The following TPM4 variants were observed in gnomAD, a reference collection of about 807,000 sequenced individuals.
TPM4 encodes tropomyosin 4, also known as tropomyosin alpha-4 chain.
Under a neutral mutation model 35.8 loss-of-function variants are expected in TPM4, and 17 were observed. The observed-to-expected ratio is 0.47, with a 90% CI of 0.32 to 0.71. The LOEUF is 0.71. Ranked by LOEUF, TPM4 falls within the 30% of genes least tolerant of loss-of-function variation. TPM4 has a pLI of 0.03. For missense variants in TPM4, 240 were observed against 320.9 expected (o/e 0.75, Z 1.93); for synonymous variants, 120 against 122.9 (o/e 0.98, Z 0.15).
At chr19:16,093,004 A>C (rs2090646870) in intron 5 of TPM4, 1 of 162,046 alleles carries the variant, frequency 6.2e-6, no homozygotes, top group Admixed American at 5.7e-5. Flanking sequence ...ACAGGTGCTC[A>C]CCACCATGAC....
At chr19:16,078,912 G>T (rs571479091) in intron 1 of TPM4, among the ~76,000 whole-genome samples, 1 of 150,480 alleles carries the variant, frequency 6.6e-6, no homozygotes, top group African/African-American at 2.4e-5. Context: ...CCTGTTTCCC[G>T]ACAGCTGGTT....
chr19:16,078,197 G>C, intron 1 of TPM4: 1 of 398,674 alleles, frequency 2.5e-6, no homozygotes, highest in Non-Finnish European at 4.4e-6. Flanking sequence ...CATGACAGGG[G>C]AGGCTCCAAA....
chr19:16,073,242 C>A (rs745811), upstream of TPM4, among the ~76,000 whole-genome samples: 46,198 of 152,044 alleles, frequency 0.3, 7,799 homozygotes, highest in Middle Eastern at 0.41. Context: ...TGAGTCCATG[C>A]TGTCAGATTT....
chr19:16,085,931 C>T (rs1212909728), intron 2 of TPM4, among the ~76,000 whole-genome samples: 4 of 151,778 alleles, frequency 2.6e-5, no homozygotes, highest in East Asian at 3.9e-4. Flanking sequence ...TAGCCGGTCA[C>T]GGTGGTGCAT....
In TPM4 at chr19:16,070,010, G is replaced by A. The variant is rs752933594; in HGVS notation, c.114+2272G>A. On this transcript the variant is annotated intron_variant, in intron 2 of 2. Transcript: ENST00000589897. This position sits in a 1 kb window ranked among gnomAD's most constrained non-coding sequence, Gnocchi z 7.4. ...GGCATGTGTGTGTGTGTGTGTGGTGGGGGCCCAGGGCTGTGACCTGCTGCA... is the reference window on the plus strand; with the variant it reads ...GGCATGTGTGTGTGTGTGTGTGGTGAGGGCCCAGGGCTGTGACCTGCTGCA... Among the ~76,000 whole-genome samples, 67 of 152,152 alleles carry A rather than the reference G, an allele frequency of 4.4e-4. No individual in the cohort carries two copies. Among genetic ancestry groups the A allele is most frequent in the South Asian group, 8.3e-4 (4 of 4,824 alleles).
intron 2 of TPM4, 133 bp from the exon 3 acceptor site, chr19:16,086,290 C>T: frequency 1.4e-6 from 1 of 723,692 alleles, no homozygotes; most frequent in Non-Finnish European, 2.4e-6. Flanking sequence ...GTGGAGGTTG[C>T]AGTGAGCTGA....
At chr19:16,078,983 C>A (rs1049930612) in intron 1 of TPM4, among the ~76,000 whole-genome samples, 2 of 152,126 alleles carry the variant, frequency 1.3e-5, no homozygotes. Context: ...ATGTATCTAG[C>A]AAGCCTCTTT....
chr19:16,070,168 C>T lies in TPM4; in HGVS notation c.114+2430C>T, dbSNP rs1418307352. 8.5e-5 allele frequency among the ~76,000 whole-genome samples: 13 copies of T among 152,052 alleles called. No homozygotes were observed. Among genetic ancestry groups the T allele is most frequent in the East Asian group, 1.9e-4 (1 of 5,198 alleles). ...GGGCAGGTGGGCTGCCCGTGGTGGA[C>T]GGAGGAGAGGGAGGCCATTTCCCAT... On this transcript the variant is annotated intron_variant, in intron 2 of 2. Transcript: ENST00000589897. The surrounding 1 kb of genome is among the most constrained non-coding windows in gnomAD (Gnocchi z 7.4).
At chr19:16,099,070 C>CTGTGTG (rs3222768) in intron 7 of TPM4, among the ~76,000 whole-genome samples, 171 of 109,800 alleles carry the variant, frequency 1.6e-3, no homozygotes, top group African/African-American at 5.0e-3. Context: ...TCACTTGACT[C>CTGTGTG]TGTGTGTGTG....
Position 16,101,437 on chromosome 19 carries a change from C to T in TPM4, c.*91C>T, listed in dbSNP as rs894503066. On this transcript the variant is annotated 3_prime_UTR_variant, in exon 8 of 8. Transcript: ENST00000643579. ...AAGAAGTTCCTTTTGTTATTGCCAT[C>T]TTCGCTTTGCTGGAAATGTCAAGCA... The T allele has an allele frequency of 6.6e-5, 61 of 926,602 alleles. No individual in the cohort carries two copies. Among genetic ancestry groups the T allele is most frequent in the African/African-American group, 2.7e-4 (16 of 58,208 alleles). The allele number at this position is 926,602 out of a possible 1,614,324, so 57.4% of individuals were successfully genotyped here. A position where few individuals can be genotyped will look rare whatever the true frequency, so the allele number is the denominator to read the frequency against.
intron 7 of TPM4, chr19:16,095,622 GA>G (rs1213030956): frequency 2.0e-6 from 2 of 1,006,342 alleles, no homozygotes; most frequent in Non-Finnish European, 2.4e-6. Flanking sequence ...ACTCACAAAT[GA>G]AAAGCTTATT....
chr19:16,068,066 G>T, intron 2 of TPM4: 1 of 403,882 alleles, frequency 2.5e-6, no homozygotes, highest in Non-Finnish European at 4.5e-6. Flanking sequence ...GGGCGGTTGG[G>T]GACATGCTGT....
intron 7 of TPM4, among the ~76,000 whole-genome samples, chr19:16,098,477 A>G (rs1328729947): frequency 1.3e-5 from 2 of 152,048 alleles, no homozygotes; most frequent in African/African-American, 4.8e-5. Context: ...AAAAGAGATT[A>G]GCACTATGGA....
rs55714667 is a variant in TPM4, at chr19:16,078,830, T to TAAAAA, written c.132+2148_132+2152dup. ...AAAGGAACTAAGACCAGGGGTGGGTTAAAAAAAAAAAAAAAAAAACCTTTC... is the reference window on the plus strand; with the variant it reads ...AAAGGAACTAAGACCAGGGGTGGGTTAAAAAAAAAAAAAAAAAAAAAAAACCTTTC... On this transcript the variant is annotated intron_variant, in intron 1 of 7. Transcript: ENST00000643579. Among the ~76,000 whole-genome samples the TAAAAA allele has an allele frequency of 6.1e-3, 769 of 126,328 alleles. 11 individuals are homozygous for TAAAAA. The highest frequency in any genetic ancestry group is 0.026 in the East Asian group (110 of 4,204). The allele number at this position is 126,328 out of a possible 152,430, so 82.9% of individuals were successfully genotyped here.
chr19:16,076,708 C>G lies in TPM4; in HGVS notation c.132+11C>G. 8 of 1,328,222 alleles carry G rather than the reference C, an allele frequency of 6.0e-6. No homozygotes were observed. The highest frequency in any genetic ancestry group is 1.8e-5 in the South Asian group (1 of 54,322). 82.3% of individuals were successfully genotyped at this position (1,328,222 alleles called of 1,614,324 possible). A position where few individuals can be genotyped will look rare whatever the true frequency, so the allele number is the denominator to read the frequency against. On this transcript the variant is annotated intron_variant, in intron 1 of 7. Coordinates refer to ENST00000643579, the MANE Select transcript of TPM4 (RefSeq NM_003290.3). ...GAGCGGCGCGAGAAAGTGAGCGCCC[C>G]GGCCTCGGGCCCCGCACCCGCAGCC...
chr19:16,076,990 G>A (rs2090416924), intron 1 of TPM4: 1 of 403,950 alleles, frequency 2.5e-6, no homozygotes, highest in South Asian at 1.0e-4. Flanking sequence ...ATCTCCGGGT[G>A]GAGAAGTGGA....
At chr19:16,092,676 C>T (rs978855749) in intron 5 of TPM4, among the ~76,000 whole-genome samples, 1 of 152,052 alleles carries the variant, frequency 6.6e-6, no homozygotes, top group African/African-American at 2.4e-5. Flanking sequence ...GCTGAGATTA[C>T]AGGCACCCAC....
At position 16,082,990 on chromosome 19, in the gene TPM4, CAAAAAAAAAAA is replaced by C. The variant is rs1195606325; in HGVS notation, c.266+958_266+968del. The stretch of plus-strand genomic sequence containing the variant: ...CTCAGTGACAGATGAGATTCTGTCT[CAAAAAAAAAAA>C]AAAAAAAAAAAAAGCAGAGTACTGT... On this transcript the variant is annotated intron_variant, in intron 2 of 7. Transcript: ENST00000643579. Among the ~76,000 whole-genome samples the C allele has an allele frequency of 4.3e-3, 273 of 62,886 alleles. 2 individuals are homozygous for C. The highest frequency in any genetic ancestry group is 0.015 in the African/African-American group (258 of 16,760). The allele number at this position is 62,886 out of a possible 152,430, so 41.3% of individuals were successfully genotyped here.
chr19:16,076,937 C>A, intron 1 of TPM4: 1 of 847,208 alleles, frequency 1.2e-6, no homozygotes, highest in Non-Finnish European at 1.5e-6. Flanking sequence ...CGGGCGGGGC[C>A]GGCCAAGCGG....
Sources: gnomAD v4.1 joint callset for allele counts (sites outside exome capture counted in the v4.1 genomes callset) on GRCh38, gnomAD v4.1.1 for gene constraint, Gnocchi (gnomAD v3.1) non-coding constraint, MANE v1.5 for transcripts, NCBI Gene and HGNC (gene_info 2026-07-23, HGNC 2026-07-21) for gene names.